OGA: variants seen among roughly 807,000 people sequenced by gnomAD.
OGA encodes the protein O-GlcNAcase.
OGA carries 21 observed loss-of-function variants against 102.0 expected under a neutral mutation model. The ratio of observed to expected loss-of-function variants is 0.21; its 90% CI spans 0.15 to 0.30. The LOEUF is 0.30. Among genes scored for constraint, OGA ranks in the 10% least tolerant of loss-of-function variants. OGA has a pLI of 1.00. For synonymous variants in OGA, 408 were observed against 378.2 expected (o/e 1.08, Z -0.91); for missense variants, 765 against 1,107.8 (o/e 0.69, Z 4.39).
chr10:101,785,822 C>A lies in OGA; in HGVS notation c.*629G>T, dbSNP rs1457286711. 6.6e-6 allele frequency: 1 copy of A among 152,268 alleles called. No homozygotes were observed. The highest frequency in any genetic ancestry group is 6.5e-5 in the Admixed American group (1 of 15,280). 9.4% of individuals were successfully genotyped at this position (152,268 alleles called of 1,614,324 possible). A position where few individuals can be genotyped will look rare whatever the true frequency, so the allele number is the denominator to read the frequency against. On this transcript the variant is annotated 3_prime_UTR_variant, in exon 16 of 16. Coordinates refer to ENST00000361464, the MANE Select transcript of OGA (RefSeq NM_012215.5). ...CAAGTTTGTCAATTGTAGGCTTTTG[C>A]CACAAACAAATGCACATTTGTCCCT...
At chr10:101,790,265 G>GTTTTTTTTTTTTTTTTTT (rs869235919) in intron 14 of OGA, among the ~76,000 whole-genome samples, 1 of 86,392 alleles carries the variant, frequency 1.2e-5, no homozygotes, top group Non-Finnish European at 2.1e-5. Flanking sequence ...ATAATATCTT[G>GTTTTTTTTTTTTTTTTTT]TTTTTTTTTT....
Position 101,785,993 on chromosome 10 carries a change from C to A in OGA, c.*458G>T, listed in dbSNP as rs1477922967. 6.5e-6 allele frequency: 1 copy of A among 152,696 alleles called. No individual in the cohort carries two copies. The highest frequency in any genetic ancestry group is 1.5e-5 in the Non-Finnish European group (1 of 68,320). 9.5% of individuals were successfully genotyped at this position (152,696 alleles called of 1,614,324 possible). A position where few individuals can be genotyped will look rare whatever the true frequency, so the allele number is the denominator to read the frequency against. ...CCATCCCACTTGGAATCACTCCACC[C>A]TGACACTTCTGAAACCCACTCTTTC... On this transcript the variant is annotated 3_prime_UTR_variant, in exon 16 of 16. Transcript: ENST00000361464.
intron 1 of OGA, among the ~76,000 whole-genome samples, chr10:101,814,156 A>G (rs1369681152): frequency 6.6e-6 from 1 of 152,088 alleles, no homozygotes; most frequent in Non-Finnish European, 1.5e-5. Context: ...TGGTGAAACC[A>G]TGTCTCTACT....
chr10:101,813,639 GT>G, intron 1 of OGA, 33 bp from the exon 2 acceptor site: 2 of 1,337,444 alleles, frequency 1.5e-6, no homozygotes, highest in Non-Finnish European at 2.1e-6. Context: ...ATTATATTCA[GT>G]TTTAAAATGT....
At chr10:101,815,625 TA>T (rs1564652380) in intron 1 of OGA, among the ~76,000 whole-genome samples, 1 of 151,816 alleles carries the variant, frequency 6.6e-6, no homozygotes, top group African/African-American at 2.4e-5. Flanking sequence ...TACAAGTCTT[TA>T]GCATCCCTAC....
At position 101,792,919 on chromosome 10, in the gene OGA, T is replaced by C. The variant is rs1423418007; in HGVS notation, c.2095A>G (p.Asn699Asp). 1.2e-6 allele frequency: 2 copies of C among 1,613,590 alleles called. No homozygotes were observed. The highest frequency in any genetic ancestry group is 1.3e-5 in the African/African-American group (1 of 74,876). Reference protein sequence around the residue: ...FQRLLPIDGANDLFFQPPPLT... With the variant: ...FQRLLPIDGADDLFFQPPPLT... The stretch of plus-strand genomic sequence containing the variant: ...GGAGGTGGCTGAAAAAAGAGATCAT[T>C]TGCCCCATCAATTGGCAGCAAACGC... Residue 699 changes from asparagine to aspartate, a missense_variant, in exon 12 of 16, where the codon AAT (asparagine) becomes GAT (aspartate). Transcript: ENST00000361464.
intron 6 of OGA, among the ~76,000 whole-genome samples, chr10:101,805,722 A>G (rs916122772): frequency 1.3e-5 from 2 of 151,102 alleles, no homozygotes; most frequent in Non-Finnish European, 2.9e-5. Context: ...TTGGGAGGCC[A>G]AGGCGGGTGG....
chr10:101,808,040 A>T, intron 4 of OGA, 139 bp from the exon 5 acceptor site: 3 of 789,480 alleles, frequency 3.8e-6, no homozygotes, highest in Non-Finnish European at 5.3e-6. Context: ...TTACATTTTC[A>T]ATTAAAAAAT....
chr10:101,801,044 T>A (rs955093998), intron 7 of OGA, among the ~76,000 whole-genome samples: 1 of 151,860 alleles, frequency 6.6e-6, no homozygotes, highest in African/African-American at 2.4e-5. Flanking sequence ...GTGCTGAGAT[T>A]ACAAGCGTGA....
intron 14 of OGA, among the ~76,000 whole-genome samples, chr10:101,789,074 A>G (rs1317541691): frequency 6.6e-6 from 1 of 152,248 alleles, no homozygotes; most frequent in Non-Finnish European, 1.5e-5. Flanking sequence ...GATGTGGAAC[A>G]GCAATACATC....
At chr10:101,787,792 A>C in intron 14 of OGA, 1 of 337,034 alleles carries the variant, frequency 3.0e-6, no homozygotes, top group Non-Finnish European at 5.6e-6. Flanking sequence ...TTCCCTATTT[A>C]TATCGTCAGG....
Position 101,787,497 on chromosome 10 carries a change from T to C in OGA, c.2481A>G (p.Glu827=). 1 of 1,612,344 alleles carries C rather than the reference T, an allele frequency of 6.2e-7. No individual in the cohort carries two copies. The highest frequency in any genetic ancestry group is 1.7e-4 in the Middle Eastern group (1 of 6,060). ...GGAAAGTTTCTGGCAGTACTTCCTG[T>C]TCTTCATGGAAACTCAACATTATTT... The part of the protein sequence containing the change: ...AEKIMLSFHE[E]QEVLPETFLA... Residue 827 remains glutamate, a synonymous_variant, in exon 15 of 16, where the codon GAA becomes GAG. Coordinates refer to ENST00000361464, the MANE Select transcript of OGA (RefSeq NM_012215.5).
At position 101,807,905 on chromosome 10, in the gene OGA, G is replaced by T; in HGVS notation, c.481-4C>A. ...ATCTGCACCCAAACTGAGAAACCTA[G>T]GAGAAAAAAAAAAAAAAGAATCAAG... On this transcript the variant is annotated splice_region_variant and splice_polypyrimidine_tract_variant and intron_variant, in intron 4 of 15. Coordinates refer to ENST00000361464, the MANE Select transcript of OGA (RefSeq NM_012215.5). 1 of 1,453,032 alleles carries T rather than the reference G, an allele frequency of 6.9e-7. No individual in the cohort carries two copies. Among genetic ancestry groups the T allele is most frequent in the Non-Finnish European group, 9.1e-7 (1 of 1,102,704 alleles). 90.0% of individuals were successfully genotyped at this position (1,453,032 alleles called of 1,614,324 possible).
chr10:101,787,621 T>C, intron 14 of OGA, 98 bp from the exon 15 acceptor site: 2 of 941,122 alleles, frequency 2.1e-6, no homozygotes, highest in Non-Finnish European at 3.2e-6. Flanking sequence ...ATTTAATAAC[T>C]CTTCCAGTCA....
chr10:101,787,839 ATCTCGGCC>A (rs1564638471), intron 14 of OGA: 1 of 228,032 alleles, frequency 4.4e-6, no homozygotes. Context: ...TGATCCTTCT[ATCTCGGCC>A]TCCTGAAGTG....
intron 13 of OGA, 126 bp from the exon 14 acceptor site, chr10:101,791,214 A>G: frequency 8.3e-7 from 1 of 1,207,572 alleles, no homozygotes; most frequent in African/African-American, 1.5e-5. Flanking sequence ...AAGAAACTAG[A>G]AATGCACACA....
chr10:101,807,698 C>A, intron 5 of OGA, 32 bp downstream of exon 5: 1 of 1,416,772 alleles, frequency 7.1e-7, no homozygotes, highest in South Asian at 1.6e-5. Context: ...TCCAAGAAGA[C>A]TAGTTAAATG....
At position 101,798,919 on chromosome 10, in the gene OGA, T is replaced by C. The variant is rs1264219796; in HGVS notation, c.1732A>G (p.Met578Val). Residue 578 changes from methionine to valine, a missense_variant, in exon 9 of 16, where the codon ATG becomes GTG. Physicochemically the swap from Met to Val is conservative, Grantham distance 21 (BLOSUM62 1). This residue lies in a region of OGA where 281 missense variants were observed against 345.8 expected (regional missense o/e 0.81). Transcript: ENST00000361464. ...PYEHGPKGAQMLREFQWLRAN... is the reference protein window; with the variant it reads ...PYEHGPKGAQVLREFQWLRAN... ...CGAAGCCATTGAAATTCCCGTAACA[T>C]CTGTGCTCCTTTGGGTCCATGCTCG... 1 of 1,614,164 alleles carries C rather than the reference T, an allele frequency of 6.2e-7. No homozygotes were observed. Among genetic ancestry groups the C allele is most frequent in the East Asian group, 2.2e-5 (1 of 44,884 alleles).
chr10:101,801,419 C>T (rs183188672), intron 7 of OGA, among the ~76,000 whole-genome samples: 1 of 150,876 alleles, frequency 6.6e-6, no homozygotes, highest in East Asian at 2.0e-4. Context: ...AAGAGATAAT[C>T]GACAGAGACC....
Sources: allele counts gnomAD v4.1 joint callset (sites outside exome capture counted in the v4.1 genomes callset), GRCh38; gene constraint gnomAD v4.1.1; regional missense constraint gnomAD v4.1.1; transcripts MANE v1.5; gene names NCBI Gene and HGNC (gene_info 2026-07-23, HGNC 2026-07-21).